PPP1R1C: variants seen among roughly 807,000 people sequenced by gnomAD.
The protein encoded by PPP1R1C is protein phosphatase 1 regulatory inhibitor subunit 1C.
A neutral mutation model predicts 17.4 loss-of-function variants in PPP1R1C; 15 were observed. The ratio of observed to expected loss-of-function variants is 0.86; its 90% CI spans 0.58 to 1.33. PPP1R1C has a LOEUF of 1.33. Ranked by LOEUF, PPP1R1C falls within the 40% of genes most tolerant of loss-of-function variation. The pLI, the probability that PPP1R1C is intolerant of heterozygous loss-of-function variation, is 0.00. For missense variants in PPP1R1C, 143 were observed against 130.0 expected (o/e 1.10, Z -0.48); for synonymous variants, 35 against 43.1 (o/e 0.81, Z 0.73).
chr2:182,099,774 A>G (rs1689044613), intron 4 of PPP1R1C, among the ~76,000 whole-genome samples: 1 of 152,226 alleles, frequency 6.6e-6, no homozygotes, highest in Admixed American at 6.5e-5. Context: ...TATCTGATAC[A>G]GTTTTATCCA....
At chr2:181,970,157 G>T (rs1684979544) in intron 1 of PPP1R1C, among the ~76,000 whole-genome samples, 1 of 151,230 alleles carries the variant, frequency 6.6e-6, no homozygotes, top group African/African-American at 2.4e-5. Context: ...TTCCTTTGAG[G>T]TCATGTTTTC....
chr2:182,012,035 A>T (rs2138381), intron 2 of PPP1R1C, among the ~76,000 whole-genome samples: 2,880 of 152,164 alleles, frequency 0.019, 92 homozygotes, highest in African/African-American at 0.066. Context: ...GTGGCCTAAC[A>T]TATGGTCTCT....
At chr2:182,005,282 A>AT (rs1258977170) in intron 2 of PPP1R1C, among the ~76,000 whole-genome samples, 16 of 152,348 alleles carry the variant, frequency 1.1e-4, no homozygotes, top group African/African-American at 3.8e-4. Flanking sequence ...TTAGTTACTC[A>AT]TATCTACTGA....
chr2:181,978,739 A>G (rs1200945353), intron 2 of PPP1R1C, among the ~76,000 whole-genome samples: 3 of 152,130 alleles, frequency 2.0e-5, no homozygotes, highest in Non-Finnish European at 2.9e-5. Flanking sequence ...TATAGTTTAC[A>G]TATGAGTCAC....
chr2:181,967,878 G>T lies in PPP1R1C; in HGVS notation n.112-7341G>T, dbSNP rs994700158. ...TTACAGGCACGAGCCACCATGCCTG[G>T]CTAATTTTGTGTTTTTAGTAGAGAG... On this transcript the variant is annotated intron_variant and non_coding_transcript_variant, in intron 1 of 5. Coordinates refer to the PPP1R1C transcript ENST00000464264. This position sits in a 1 kb window ranked among gnomAD's most constrained non-coding sequence, Gnocchi z 5.5. Among the ~76,000 whole-genome samples the T allele has an allele frequency of 6.6e-6, 1 of 152,118 alleles. No individual in the cohort carries two copies. The highest frequency in any genetic ancestry group is 1.5e-5 in the Non-Finnish European group (1 of 68,022).
chr2:181,955,415 T>G (rs1684654111), intron 1 of PPP1R1C, among the ~76,000 whole-genome samples: 1 of 152,192 alleles, frequency 6.6e-6, no homozygotes. Flanking sequence ...AAAGGCCATG[T>G]GCGTGTGTTT....
chr2:182,082,282 G>A (rs1688503285), intron 4 of PPP1R1C, among the ~76,000 whole-genome samples: 1 of 152,192 alleles, frequency 6.6e-6, no homozygotes, highest in Non-Finnish European at 1.5e-5. Context: ...TAGAACTTAG[G>A]TAAACAGAGG....
At chr2:182,076,192 C>CTTTTCTTTTTTTTTTTTTTTT (rs1688297707) in intron 4 of PPP1R1C, among the ~76,000 whole-genome samples, 1 of 25,838 alleles carries the variant, frequency 3.9e-5, no homozygotes, top group Non-Finnish European at 7.4e-5. Flanking sequence ...TTTTTTTTTT[C>CTTTTCTTTTTTTTTTTTTTTT]TTTTCTTTTT....
intron 4 of PPP1R1C, among the ~76,000 whole-genome samples, chr2:182,099,674 A>T (rs1689042558): frequency 6.6e-6 from 1 of 152,236 alleles, no homozygotes; most frequent in Admixed American, 6.5e-5. Flanking sequence ...AGACTAATTT[A>T]TTGGAGGATT....
intron 1 of PPP1R1C, among the ~76,000 whole-genome samples, chr2:181,987,322 T>C (rs1296428097): frequency 6.6e-6 from 1 of 152,186 alleles, no homozygotes; most frequent in Non-Finnish European, 1.5e-5. Flanking sequence ...TCCATATTTA[T>C]TCTTCATTTG....
intron 4 of PPP1R1C, among the ~76,000 whole-genome samples, chr2:182,101,906 T>C (rs907930482): frequency 1.3e-5 from 2 of 152,170 alleles, no homozygotes; most frequent in Non-Finnish European, 2.9e-5. Flanking sequence ...CAAGCTGCAC[T>C]CCTTCAATGT....
intron 2 of PPP1R1C, among the ~76,000 whole-genome samples, chr2:182,003,634 G>A (rs1685834861): frequency 6.6e-6 from 1 of 151,798 alleles, no homozygotes; most frequent in Non-Finnish European, 1.5e-5. Context: ...AATCAGTCTT[G>A]TAGCATCTCC....
At chr2:181,987,812 T>TATTA in intron 1 of PPP1R1C, 27 bp from the exon 2 acceptor site, 2 of 1,612,336 alleles carry the variant, frequency 1.2e-6, no homozygotes, top group Non-Finnish European at 1.7e-6. Context: ...TACTCACTGA[T>TATTA]ATTAGCTGGG....
chr2:182,044,949 G>T (rs553274300), intron 2 of PPP1R1C, among the ~76,000 whole-genome samples: 1 of 152,112 alleles, frequency 6.6e-6, no homozygotes, highest in Non-Finnish European at 1.5e-5. Context: ...CAAAGATAAA[G>T]TTCCTTTTCC....
intron 2 of PPP1R1C, among the ~76,000 whole-genome samples, chr2:181,990,906 T>C (rs1243004440): frequency 1.3e-5 from 2 of 152,240 alleles, no homozygotes; most frequent in Non-Finnish European, 2.9e-5. Context: ...TTCACTGAAA[T>C]TGGCCAGGGA....
At chr2:182,028,048 G>A (rs1487486690) in intron 2 of PPP1R1C, among the ~76,000 whole-genome samples, 11 of 125,468 alleles carry the variant, frequency 8.8e-5, no homozygotes, top group Non-Finnish European at 1.2e-4. Flanking sequence ...CTGTGGGATC[G>A]GTGGTGATAT....
chr2:182,031,873 G>A (rs1013796652), intron 2 of PPP1R1C, among the ~76,000 whole-genome samples: 1 of 152,138 alleles, frequency 6.6e-6, no homozygotes, highest in Admixed American at 6.5e-5. Flanking sequence ...TATTCACTTA[G>A]GAAGCATGTA....
At chr2:182,052,624 T>C (rs1687559078) in intron 2 of PPP1R1C, among the ~76,000 whole-genome samples, 1 of 152,216 alleles carries the variant, frequency 6.6e-6, no homozygotes, top group Admixed American at 6.5e-5. Flanking sequence ...CTCACATTAA[T>C]ATGACAAAAG....
chr2:182,018,920 G>A (rs1445213931), intron 2 of PPP1R1C, among the ~76,000 whole-genome samples: 1 of 152,068 alleles, frequency 6.6e-6, no homozygotes, highest in Non-Finnish European at 1.5e-5. Flanking sequence ...TCTTAAGTAT[G>A]GATAATTGGG....
Sources: gnomAD v4.1 joint callset for allele counts (sites outside exome capture counted in the v4.1 genomes callset) on GRCh38, gnomAD v4.1.1 for gene constraint, Gnocchi (gnomAD v3.1) non-coding constraint, MANE v1.5 for transcripts, NCBI Gene and HGNC (gene_info 2026-07-23, HGNC 2026-07-21) for gene names.